SOAT1: variants seen among roughly 807,000 people sequenced by gnomAD.
The protein encoded by SOAT1 is sterol O-acyltransferase 1.
SOAT1 carries 55 observed loss-of-function variants against 69.5 expected under a neutral mutation model. The observed-to-expected ratio is 0.79, with a 90% confidence interval of 0.64 to 0.99. The LOEUF (loss-of-function observed/expected upper bound fraction) is 0.99. Ranked by LOEUF, SOAT1 falls within the 50% of genes least tolerant of loss-of-function variation. SOAT1 has a pLI of 0.00. For missense variants in SOAT1, 580 were observed against 669.3 expected (o/e 0.87, Z 1.47); for synonymous variants, 231 against 224.7 (o/e 1.03, Z -0.25).
intron 2 of SOAT1, among the ~76,000 whole-genome samples, chr1:179,317,487 C>T (rs141963330): frequency 0.026 from 3,873 of 149,150 alleles, 134 homozygotes; most frequent in Admixed American, 0.065. Context: ...GAGCCGAGAT[C>T]GCGCCACTAC....
Position 179,342,170 on chromosome 1 carries a change from A to G in SOAT1, c.837A>G (p.Leu279=). ...SFVRENVPRV[L]NSAKEKSSTV... is the part of the protein sequence containing the mutation. ...TCAGAGAGAACGTGCCTCGGGTACTAAATTCAGCTAAGGAGAAATCAAGTA... is the reference window on the plus strand; with the variant it reads ...TCAGAGAGAACGTGCCTCGGGTACTGAATTCAGCTAAGGAGAAATCAAGTA... The change falls in exon 8 of 16, where the codon CTA becomes CTG. Residue 279 remains leucine (L), a synonymous_variant. Coordinates refer to ENST00000367619, the MANE Select transcript of SOAT1 (RefSeq NM_003101.6). The G allele has an allele frequency of 2.5e-6, 4 of 1,613,258 alleles. No homozygotes were observed. Among genetic ancestry groups the G allele is most frequent in the Non-Finnish European group, 3.4e-6 (4 of 1,179,468 alleles).
intron 4 of SOAT1, 135 bp downstream of exon 4, chr1:179,335,792 T>C: frequency 5.3e-6 from 4 of 758,416 alleles, no homozygotes; most frequent in Non-Finnish European, 8.2e-6. Flanking sequence ...ATTGGGAAAG[T>C]TACTTAACCA....
intron 12 of SOAT1, among the ~76,000 whole-genome samples, chr1:179,348,265 T>G (rs955028881): frequency 6.6e-6 from 1 of 152,206 alleles, no homozygotes; most frequent in Non-Finnish European, 1.5e-5. Flanking sequence ...ACACTCCAAG[T>G]CTACCACCTT....
intron 3 of SOAT1, 117 bp from the exon 4 acceptor site, chr1:179,335,389 G>T (rs12038140): frequency 1.2e-6 from 1 of 864,710 alleles, no homozygotes. Flanking sequence ...TTACTCCTGC[G>T]AACTCACTAT....
chr1:179,306,834 A>G (rs1174983078), intron 2 of SOAT1, among the ~76,000 whole-genome samples: 2 of 150,698 alleles, frequency 1.3e-5, no homozygotes, highest in Non-Finnish European at 3.0e-5. Flanking sequence ...CCATCTCAAA[A>G]AAAAAAAAAA....
In SOAT1 at chr1:179,335,511, G is replaced by A. The variant is rs1343773928; in HGVS notation, c.183G>A (p.Leu61=). The A allele has an allele frequency of 3.1e-6, 5 of 1,608,164 alleles. No homozygotes were observed. Among genetic ancestry groups the A allele is most frequent in the Non-Finnish European group, 4.2e-6 (5 of 1,177,220 alleles). ...KIKLTAEAEE[L]KPFFMKEVGS... is the part of the protein sequence containing the mutation. ...TCTTTGTTTTAAAATTCTAGGAATT[G>A]AAGCCATTTTTTATGAAGGAAGTTG... is the stretch of plus-strand genomic sequence containing the variant. Residue 61 remains leucine, a synonymous_variant, in exon 4 of 16, where the codon TTG becomes TTA. Transcript: ENST00000367619.
At chr1:179,294,656 T>A (rs1485333194) in intron 1 of SOAT1, among the ~76,000 whole-genome samples, 1 of 152,142 alleles carries the variant, frequency 6.6e-6, no homozygotes, top group Non-Finnish European at 1.5e-5. Flanking sequence ...CTCAGCCTCC[T>A]GAGTAGCTGG....
At position 179,338,331 on chromosome 1, in the gene SOAT1, A is replaced by G. The variant is rs1381703657; in HGVS notation, c.389+435A>G. ...TGAGCCCGGAAGGGTGGAGGTTGCC[A>G]TGGGCTGAGATTGTGCCCCTGCACT... On this transcript the variant is annotated intron_variant, in intron 5 of 15. Coordinates refer to ENST00000367619, the MANE Select transcript of SOAT1 (RefSeq NM_003101.6). Among the ~76,000 whole-genome samples the G allele has an allele frequency of 2.0e-5, 3 of 152,172 alleles. No individual in the cohort carries two copies. In the East Asian group the frequency reaches 5.8e-4, roughly 29 times the overall value.
At chr1:179,325,839 A>G (rs1488085669) in intron 3 of SOAT1, among the ~76,000 whole-genome samples, 3 of 152,196 alleles carry the variant, frequency 2.0e-5, no homozygotes, top group Non-Finnish European at 4.4e-5. Flanking sequence ...AACTTTTTAA[A>G]GAATATTGTA....
intron 3 of SOAT1, among the ~76,000 whole-genome samples, chr1:179,325,290 C>T (rs56371666): frequency 0.28 from 41,537 of 151,012 alleles, 6,094 homozygotes; most frequent in African/African-American, 0.37. Flanking sequence ...TTTGGGAGTA[C>T]AGGTGCCCAC....
intron 1 of SOAT1, among the ~76,000 whole-genome samples, chr1:179,301,232 T>G (rs1252455688): frequency 2.0e-5 from 3 of 152,214 alleles, no homozygotes; most frequent in African/African-American, 7.2e-5. Flanking sequence ...CATGCCCAAC[T>G]AGGGAAACAC....
intron 11 of SOAT1, among the ~76,000 whole-genome samples, chr1:179,347,243 A>AG (rs1666563829): frequency 6.6e-6 from 1 of 151,694 alleles, no homozygotes; most frequent in Non-Finnish European, 1.5e-5. Context: ...CTGTAGTTCC[A>AG]GCTACTTGGG....
At chr1:179,350,729 T>C (rs1666696411) in intron 14 of SOAT1, among the ~76,000 whole-genome samples, 1 of 152,218 alleles carries the variant, frequency 6.6e-6, no homozygotes, top group East Asian at 1.9e-4. Context: ...TTCGTAAACA[T>C]TGTCGGTATG....
chr1:179,320,407 C>A (rs1474394226), intron 2 of SOAT1, among the ~76,000 whole-genome samples: 1 of 151,436 alleles, frequency 6.6e-6, no homozygotes, highest in East Asian at 1.9e-4. Flanking sequence ...GTGTCTATCT[C>A]TAAAATTGGG....
At chr1:179,329,129 C>G (rs1247800968) in intron 3 of SOAT1, among the ~76,000 whole-genome samples, 5 of 151,596 alleles carry the variant, frequency 3.3e-5, no homozygotes, top group African/African-American at 1.2e-4. Flanking sequence ...ACATCAGTAC[C>G]TTATGCTATT....
At chr1:179,343,010 T>G in intron 9 of SOAT1, 67 bp downstream of exon 9, 1 of 1,204,138 alleles carries the variant, frequency 8.3e-7, no homozygotes, top group Non-Finnish European at 1.2e-6. Flanking sequence ...GTGGGATAGG[T>G]AAACAGGGGC....
intron 7 of SOAT1, among the ~76,000 whole-genome samples, chr1:179,341,556 A>G (rs1666339856): frequency 7.1e-6 from 1 of 141,706 alleles, no homozygotes; most frequent in South Asian, 2.2e-4. Context: ...TTTTTTTGAG[A>G]CAGAGTCTCG....
At chr1:179,323,903 T>C (rs1558046342) in intron 3 of SOAT1, among the ~76,000 whole-genome samples, 1 of 152,034 alleles carries the variant, frequency 6.6e-6, no homozygotes, top group African/African-American at 2.4e-5. Flanking sequence ...CGAAAAAAAA[T>C]CATGAAATCA....
intron 2 of SOAT1, 28 bp downstream of exon 2, chr1:179,302,830 G>C: frequency 8.2e-7 from 1 of 1,220,208 alleles, no homozygotes; most frequent in East Asian, 2.4e-5. Context: ...TTTTTTAGGT[G>C]AATTAGTGAA....
Sources: gnomAD v4.1 joint callset for allele counts (sites outside exome capture counted in the v4.1 genomes callset) on GRCh38, gnomAD v4.1.1 for gene constraint, MANE v1.5 for transcripts, NCBI Gene and HGNC (gene_info 2026-07-23, HGNC 2026-07-21) for gene names.